The following ANKRD42 variants were observed in gnomAD, a reference collection of about 807,000 sequenced individuals.
ANKRD42 encodes ankyrin repeat domain-containing protein 42.
ANKRD42 carries 43 observed loss-of-function variants against 51.5 expected under a neutral mutation model. That is an observed-to-expected ratio of 0.83 (90% CI 0.65 to 1.08). ANKRD42 has a LOEUF of 1.08. Ranked by LOEUF, ANKRD42 falls within the 50% of genes least tolerant of loss-of-function variation. The pLI, the probability that ANKRD42 is intolerant of heterozygous loss-of-function variation, is 0.00. For missense variants in ANKRD42, 608 were observed against 629.3 expected, an observed-to-expected ratio of 0.97 and a Z score of 0.36; for synonymous variants, 203 against 213.0, an observed-to-expected ratio of 0.95 and a Z score of 0.41.
At chr11:83,255,924 G>C in exon 12 of ANKRD42, 2 of 1,531,486 alleles carry the variant, frequency 1.3e-6, no homozygotes, top group Non-Finnish European at 1.7e-6. Flanking sequence ...GTGTTTGTGA[G>C]AAGGTACTAA....
rs531719689 is a variant in ANKRD42 at position 83,230,511 on chromosome 11, G to T, written c.913+2639G>T. On this transcript the variant is annotated intron_variant, in intron 7 of 10. Coordinates refer to ENST00000533342, the MANE Select transcript of ANKRD42 (RefSeq NM_001300975.2). ...AAATAGGTGAGAACATGCAAAGTTT[G>T]TCTTTGTGTGCCTGGCTTATTTCAC... is the stretch of plus-strand genomic sequence containing the variant. Among the ~76,000 whole-genome samples, 250 of 152,118 alleles carry T rather than the reference G, an allele frequency of 1.6e-3. 1 individual carries two copies. Among genetic ancestry groups the T allele is most frequent in the Middle Eastern group, 3.4e-3 (1 of 294 alleles).
chr11:83,216,850 C>T (rs931971573), intron 5 of ANKRD42, among the ~76,000 whole-genome samples: 20 of 151,266 alleles, frequency 1.3e-4, no homozygotes, highest in Admixed American at 1.2e-3. Flanking sequence ...CCAGCTGGCC[C>T]CTCCTCTGAG....
intron 7 of ANKRD42, among the ~76,000 whole-genome samples, chr11:83,230,198 C>G (rs1369201903): frequency 2.6e-5 from 4 of 151,938 alleles, no homozygotes; most frequent in Non-Finnish European, 4.4e-5. Flanking sequence ...ACTACAGGCA[C>G]ATGCTACTAT....
At chr11:83,207,712 T>G (rs796773473) in intron 3 of ANKRD42, among the ~76,000 whole-genome samples, 43 of 152,360 alleles carry the variant, frequency 2.8e-4, no homozygotes, top group African/African-American at 9.6e-4. Context: ...TTCAGAGTGT[T>G]AAGTACCTTG....
chr11:83,257,168 G>C (rs1269704963), downstream of ANKRD42: 4 of 350,096 alleles, frequency 1.1e-5, no homozygotes, highest in South Asian at 2.2e-5. Context: ...ATGCACTCTT[G>C]TCAGGGCAAA....
At chr11:83,244,546 A>G (rs1863486365) in intron 9 of ANKRD42, among the ~76,000 whole-genome samples, 1 of 152,148 alleles carries the variant, frequency 6.6e-6, no homozygotes, top group Admixed American at 6.5e-5. Flanking sequence ...TTCTGTGTGC[A>G]CTGTGAGATG....
Position 83,241,033 on chromosome 11 carries a change from C to T in ANKRD42, c.1195+99C>T, listed in dbSNP as rs1227864662. 1.9e-5 allele frequency: 25 copies of T among 1,316,554 alleles called. No individual in the cohort carries two copies. In the Admixed American group the frequency reaches 4.6e-4, roughly 24 times the overall value. 81.6% of individuals were successfully genotyped at this position (1,316,554 alleles called of 1,614,324 possible). A position where few individuals can be genotyped will look rare whatever the true frequency, so the allele number is the denominator to read the frequency against. ...CTATTCTAAAGACAAATACTGCCTA[C>T]AAAGTAAAATAATTTGATATTTTTG... On this transcript the variant is annotated intron_variant, in intron 9 of 10. Coordinates refer to ENST00000533342, the MANE Select transcript of ANKRD42 (RefSeq NM_001300975.2).
At chr11:83,228,509 G>C (rs1315684114) in intron 7 of ANKRD42, among the ~76,000 whole-genome samples, 1 of 152,022 alleles carries the variant, frequency 6.6e-6, no homozygotes, top group East Asian at 1.9e-4. Flanking sequence ...GATTACAGGC[G>C]TGAGCCACCA....
At position 83,216,545 on chromosome 11, in the gene ANKRD42, C is replaced by T. The variant is rs796326393; in HGVS notation, c.586+5115C>T. On this transcript the variant is annotated intron_variant, in intron 5 of 10. Transcript: ENST00000533342. ...TTCACCGTGTTAGCCAGGATGGTCT[C>T]GATCTCCTGACCTCGTGGTCCGCCC... Among the ~76,000 whole-genome samples, 38 of 151,996 alleles carry T rather than the reference C, an allele frequency of 2.5e-4. 1 individual carries two copies. Among genetic ancestry groups the T allele is most frequent in the African/African-American group, 7.2e-4 (30 of 41,480 alleles).
chr11:83,257,335 G>A (rs1441893582), downstream of ANKRD42: 1 of 455,746 alleles, frequency 2.2e-6, no homozygotes, highest in East Asian at 7.0e-5. Context: ...CCACAGAGCT[G>A]GCTCCAAGAG....
chr11:83,258,661 T>C (rs1863813948), downstream of ANKRD42, among the ~76,000 whole-genome samples: 1 of 152,230 alleles, frequency 6.6e-6, no homozygotes, highest in Non-Finnish European at 1.5e-5. Context: ...TAGTCAATGA[T>C]AGCTATTTTT....
chr11:83,237,682 T>A (rs1417143982), intron 8 of ANKRD42, among the ~76,000 whole-genome samples: 1 of 152,216 alleles, frequency 6.6e-6, no homozygotes, highest in Non-Finnish European at 1.5e-5. Context: ...GTACCTGGGA[T>A]CATTGTCAGC....
intron 11 of ANKRD42, among the ~76,000 whole-genome samples, chr11:83,254,426 T>C (rs969551274): frequency 1.6e-5 from 2 of 126,740 alleles, no homozygotes; most frequent in Non-Finnish European, 1.6e-5. Context: ...TGTTTTTCTT[T>C]TTTCTTTTCT....
chr11:83,261,781 C>T, downstream of ANKRD42: 1 of 631,044 alleles, frequency 1.6e-6, no homozygotes. Context: ...AACACTTCCT[C>T]TTTTAGTCCG....
chr11:83,246,025 A>G (rs764977908), intron 10 of ANKRD42, among the ~76,000 whole-genome samples: 1 of 152,194 alleles, frequency 6.6e-6, no homozygotes, highest in African/African-American at 2.4e-5. Context: ...ATGCTCTTGC[A>G]TCTAGAGGCA....
intron 11 of ANKRD42, among the ~76,000 whole-genome samples, chr11:83,255,380 A>G (rs1863751308): frequency 6.6e-6 from 1 of 152,214 alleles, no homozygotes; most frequent in Non-Finnish European, 1.5e-5. Flanking sequence ...CTAGAGCAGT[A>G]GAGGGATGCA....
chr11:83,220,452 G>A (rs920520671), intron 5 of ANKRD42, among the ~76,000 whole-genome samples: 3 of 152,116 alleles, frequency 2.0e-5, no homozygotes, highest in South Asian at 4.1e-4. Context: ...TGGCAGGCTC[G>A]CCAAAATGTA....
chr11:83,223,603 C>T (rs904273610), intron 5 of ANKRD42, among the ~76,000 whole-genome samples: 14 of 151,878 alleles, frequency 9.2e-5, no homozygotes, highest in Admixed American at 9.2e-4. Flanking sequence ...GGCTAAGGAG[C>T]TCAACTTTTG....
At chr11:83,252,220 C>T (rs1863687484), downstream of ANKRD42, among the ~76,000 whole-genome samples, 3 of 152,080 alleles carry the variant, frequency 2.0e-5, no homozygotes, top group South Asian at 6.2e-4. Flanking sequence ...AATATATACC[C>T]ATCAGAATGG....
Sources: gnomAD v4.1 joint callset for allele counts (sites outside exome capture counted in the v4.1 genomes callset) on GRCh38, gnomAD v4.1.1 for gene constraint, MANE v1.5 for transcripts, NCBI Gene and HGNC (gene_info 2026-07-23, HGNC 2026-07-21) for gene names.